Variants in SNX25 observed in about 807,000 individuals in gnomAD.
SNX25 encodes the protein sorting nexin 25, also known as sorting nexin-25.
SNX25 carries 62 observed loss-of-function variants against 113.7 expected under a neutral mutation model. The observed-to-expected ratio is 0.55, with a 90% CI of 0.44 to 0.67. The LOEUF (loss-of-function observed/expected upper bound fraction) is 0.67, where lower values mean the gene tolerates loss of function less well. Ranked by LOEUF, SNX25 falls within the 30% of genes least tolerant of loss-of-function variation. SNX25 has a pLI of 0.00. For missense variants in SNX25, 1,014 were observed against 1,161.0 expected, an observed-to-expected ratio of 0.87 and a Z score of 1.84; for synonymous variants, 421 against 436.2, an observed-to-expected ratio of 0.97 and a Z score of 0.43.
chr4:185,215,246 G>T (rs1298553577), intron 1 of SNX25, among the ~76,000 whole-genome samples: 1 of 152,074 alleles, frequency 6.6e-6, no homozygotes. Context: ...AAAAAATCTG[G>T]AATAAAGCTT....
chr4:185,265,230 T>C (rs909214196), intron 4 of SNX25, among the ~76,000 whole-genome samples: 1 of 152,180 alleles, frequency 6.6e-6, no homozygotes, highest in Non-Finnish European at 1.5e-5. Context: ...AACAGGGATG[T>C]GTCCGAAGAA....
chr4:185,286,669 C>G (rs188065107), intron 5 of SNX25, among the ~76,000 whole-genome samples: 2 of 152,278 alleles, frequency 1.3e-5, no homozygotes, highest in African/African-American at 4.8e-5. Flanking sequence ...ATGTCACTTT[C>G]CCTGATAAAA....
intron 1 of SNX25, among the ~76,000 whole-genome samples, chr4:185,240,439 A>T (rs1319179133): frequency 6.9e-6 from 1 of 145,374 alleles, no homozygotes; most frequent in East Asian, 2.1e-4. Flanking sequence ...CTGGCCGGGC[A>T]GAGGGGCTCC....
rs188045778 is a variant in SNX25 at position 185,317,352 on chromosome 4, A to C, written c.1345-3381A>C. 1.7e-3 allele frequency among the ~76,000 whole-genome samples: 266 copies of C among 152,334 alleles called. 4 individuals are homozygous for C. The highest frequency in any genetic ancestry group is 5.0e-4 in the Non-Finnish European group (34 of 68,032). On this transcript the variant is annotated intron_variant, in intron 7 of 18. Coordinates refer to ENST00000652585, the MANE Select transcript of SNX25 (RefSeq NM_001378034.2). The stretch of plus-strand genomic sequence containing the variant: ...GCTGACGAGGCTGTGGAGAAATAGT[A>C]ATGCTTTTACACTGTTGGTAGGAGT...
intron 1 of SNX25, among the ~76,000 whole-genome samples, chr4:185,213,873 T>C (rs1215817357): frequency 6.6e-6 from 1 of 152,078 alleles, no homozygotes; most frequent in Non-Finnish European, 1.5e-5. Context: ...ACTTTGTCAG[T>C]TTTTCTGTTG....
chr4:185,305,553 CTG>C (rs1463117050), intron 6 of SNX25, among the ~76,000 whole-genome samples: 1 of 152,166 alleles, frequency 6.6e-6, no homozygotes, highest in Non-Finnish European at 1.5e-5. Context: ...TTAGATGTTG[CTG>C]TTTTTGTTTT....
intron 6 of SNX25, 109 bp from the exon 7 acceptor site, chr4:185,310,526 T>C: frequency 1.3e-6 from 1 of 784,152 alleles, no homozygotes; most frequent in East Asian, 2.7e-5. Flanking sequence ...TTTTGTTTAG[T>C]ATCCACTTGG....
the SNX25 span, chr4:185,378,000 TTTC>T: frequency 1.8e-5 from 21 of 1,141,292 alleles, no homozygotes; most frequent in Non-Finnish European, 2.4e-5. Context: ...AAACACATTA[TTTC>T]TTGTCTCGTT....
At chr4:185,238,647 TTAA>T (rs1743020024) in intron 1 of SNX25, among the ~76,000 whole-genome samples, 1 of 152,156 alleles carries the variant, frequency 6.6e-6, no homozygotes, top group South Asian at 2.1e-4. Context: ...CTCCATGTGG[TTAA>T]TGATGATTTT....
Position 185,341,967 on chromosome 4 carries a change from T to C in SNX25, c.2047-9T>C, listed in dbSNP as rs775520377. 1 of 1,570,894 alleles carries C rather than the reference T, an allele frequency of 6.4e-7. No individual in the cohort carries two copies. The highest frequency in any genetic ancestry group is 8.6e-7 in the Non-Finnish European group (1 of 1,162,440). On this transcript the variant is annotated splice_polypyrimidine_tract_variant and intron_variant, in intron 11 of 18. Transcript: ENST00000652585. ...TTTTGTAAGTATCGATTTTGATGTT[T>C]TCCCCAAGGTTACAGAAGAGAATGG...
rs756843961 is a variant in SNX25, at chr4:185,363,629, T to C, written c.*164T>C. 7.1e-5 allele frequency: 40 copies of C among 567,192 alleles called. No individual in the cohort carries two copies. The highest frequency in any genetic ancestry group is 1.1e-4 in the Non-Finnish European group (37 of 332,196). 35.1% of individuals were successfully genotyped at this position (567,192 alleles called of 1,614,324 possible). On this transcript the variant is annotated 3_prime_UTR_variant, in exon 19 of 19. Coordinates refer to ENST00000652585, the MANE Select transcript of SNX25 (RefSeq NM_001378034.2). This position sits in a 1 kb window ranked among gnomAD's most constrained non-coding sequence, Gnocchi z 4.2. ...GTAGAATCAGGGAGGACGGGACTTA[T>C]GCTGTGGTAGGCAACAGAAAAAAAC...
chr4:185,236,737 A>T (rs1359084340), intron 1 of SNX25, among the ~76,000 whole-genome samples: 1 of 152,212 alleles, frequency 6.6e-6, no homozygotes, highest in Non-Finnish European at 1.5e-5. Flanking sequence ...AAAAGTTACC[A>T]ATAATTTATT....
At chr4:185,227,031 C>T (rs1052574496) in intron 1 of SNX25, among the ~76,000 whole-genome samples, 13 of 152,164 alleles carry the variant, frequency 8.5e-5, no homozygotes, top group African/African-American at 2.9e-4. Context: ...CCCCGTGAGT[C>T]GGAAGAGCTT....
Position 185,264,541 on chromosome 4 carries a change from C to T in SNX25, c.835C>T (p.Leu279Phe). The change falls in exon 4 of 19, where the codon CTC (leucine) becomes TTC (phenylalanine). Residue 279 changes from leucine to phenylalanine, a missense_variant. By Grantham distance (22) the Leu-to-Phe change is conservative (BLOSUM62 0). Coordinates refer to ENST00000652585, the MANE Select transcript of SNX25 (RefSeq NM_001378034.2). ...QTCSRVLVFC[L>F]LPSKDVQSLS... ...GTGTTCTCGGGTTCTGGTGTTTTGT[C>T]TCCTCCCCTCAAAGGATGTGCAGTC... 2 of 1,613,998 alleles carry T rather than the reference C, an allele frequency of 1.2e-6. No homozygotes were observed. Among genetic ancestry groups the T allele is most frequent in the South Asian group, 1.1e-5 (1 of 91,070 alleles).
intron 14 of SNX25, chr4:185,353,242 G>T (rs2095324207): frequency 5.2e-6 from 2 of 382,234 alleles, no homozygotes; most frequent in African/African-American, 2.0e-5. Context: ...TTAATTCACT[G>T]ATTATAATAC....
rs1302558062 is a variant in SNX25 at position 185,351,672 on chromosome 4, C to T, written c.2466+63C>T. On this transcript the variant is annotated intron_variant, in intron 14 of 18. Transcript: ENST00000652585. ...TTTCAGCAGATACTAAGCTCATGCT[C>T]CTCATGGGGGGAAGCAAATCCCTCT... 5 of 1,535,356 alleles carry T rather than the reference C, an allele frequency of 3.3e-6. No homozygotes were observed. The South Asian group carries it at 6.1e-5, about 19-fold the overall frequency.
At chr4:185,243,275 C>T (rs1744339273) in intron 1 of SNX25, among the ~76,000 whole-genome samples, 1 of 152,084 alleles carries the variant, frequency 6.6e-6, no homozygotes, top group Non-Finnish European at 1.5e-5. Flanking sequence ...TGTTGTGCAA[C>T]CATTGCCACC....
chr4:185,332,890 T>G (rs963926080), intron 10 of SNX25, 131 bp downstream of exon 10: 1 of 991,952 alleles, frequency 1.0e-6, no homozygotes, highest in Non-Finnish European at 1.4e-6. Context: ...TTGTTATTTT[T>G]TTGCTTCTAG....
chr4:185,208,800 AT>A (rs1737325905), upstream of SNX25, among the ~76,000 whole-genome samples: 2 of 152,244 alleles, frequency 1.3e-5, no homozygotes, highest in Admixed American at 6.5e-5. Flanking sequence ...CAAAAGCTAC[AT>A]CTGCTTCTTT....
Sources: allele counts gnomAD v4.1 joint callset (sites outside exome capture counted in the v4.1 genomes callset), GRCh38; gene constraint gnomAD v4.1.1; non-coding constraint Gnocchi (gnomAD v3.1); transcripts MANE v1.5; gene names NCBI Gene and HGNC (gene_info 2026-07-23, HGNC 2026-07-21).